MYLK3: variants seen among roughly 807,000 people sequenced by gnomAD.
MYLK3 encodes the protein myosin light chain kinase 3.
In MYLK3, 55 loss-of-function variants were observed where a neutral mutation model predicts 76.3. The observed-to-expected ratio is 0.72, with a 90% CI of 0.58 to 0.90. MYLK3 has a LOEUF of 0.90. Ranked by LOEUF, MYLK3 falls within the 40% of genes least tolerant of loss-of-function variation. The pLI, the probability that MYLK3 is intolerant of heterozygous loss-of-function variation, is 0.00. For synonymous variants in MYLK3, 416 were observed against 425.4 expected (o/e 0.98, Z 0.27); for missense variants, 973 against 1,053.6 (o/e 0.92, Z 1.06).
At chr16:46,710,609 C>T (rs755227360) in intron 11 of MYLK3, 28 bp downstream of exon 11, 1 of 1,613,408 alleles carries the variant, frequency 6.2e-7, no homozygotes, top group Non-Finnish European at 8.5e-7. Flanking sequence ...ATCAGAAGGG[C>T]CCATGAGTGA....
At chr16:46,755,895 CTTTTTTCTTTCTTTT>C (rs1275949245) in intron 1 of MYLK3, among the ~76,000 whole-genome samples, 43 of 134,232 alleles carry the variant, frequency 3.2e-4, no homozygotes, top group Admixed American at 6.1e-4. Context: ...GTTCTTTTTT[CTTTTTTCTTTCTTTT>C]TTTTTTTTTT....
In MYLK3 at chr16:46,705,898, G is replaced by A. The variant is rs892336601; in HGVS notation, c.*1806C>T. ...GGTACTCATGATCGCCTGAGCCCAG[G>A]AGGCGGAGGCTACAGTGAGCCAAGA... On this transcript the variant is annotated 3_prime_UTR_variant, in exon 13 of 13. Transcript: ENST00000394809. The A allele has an allele frequency of 3.9e-5, 6 of 151,970 alleles. No individual in the cohort carries two copies. Among genetic ancestry groups the A allele is most frequent in the Non-Finnish European group, 7.3e-5 (5 of 68,094 alleles). The allele number at this position is 151,970 out of a possible 1,614,324, so 9.4% of individuals were successfully genotyped here.
intron 1 of MYLK3, among the ~76,000 whole-genome samples, chr16:46,740,831 T>C (rs1224462789): frequency 6.6e-6 from 1 of 152,134 alleles, no homozygotes; most frequent in Non-Finnish European, 1.5e-5. Context: ...GGATTACAGA[T>C]GTGAGCTACC....
intron 1 of MYLK3, among the ~76,000 whole-genome samples, chr16:46,755,643 T>C (rs1055166586): frequency 2.0e-5 from 3 of 152,168 alleles, no homozygotes; most frequent in Admixed American, 2.0e-4. Context: ...GGATTTAACT[T>C]CTGCCTCTGC....
chr16:46,761,855 T>A lies in MYLK3; in HGVS notation c.-114+1185A>T, dbSNP rs185242193. ...AACAAAAAACAAATTCCACAGGCTGTAATGTGTGTGTATTGCACTGCATGT... is the reference window on the plus strand; with the variant it reads ...AACAAAAAACAAATTCCACAGGCTGAAATGTGTGTGTATTGCACTGCATGT... On this transcript the variant is annotated intron_variant, in intron 1 of 11. Transcript: ENST00000536476. Among the ~76,000 whole-genome samples, 325 of 150,510 alleles carry A rather than the reference T, an allele frequency of 2.2e-3. 1 individual carries two copies. The highest frequency in any genetic ancestry group is 2.6e-3 in the Non-Finnish European group (177 of 67,754).
At chr16:46,745,304 G>A (rs374726418) in intron 1 of MYLK3, among the ~76,000 whole-genome samples, 1 of 152,188 alleles carries the variant, frequency 6.6e-6, no homozygotes, top group African/African-American at 2.4e-5. Context: ...ACGAGGATCT[G>A]GGCTGGTTAA....
At chr16:46,740,018 G>A (rs1172633256) in intron 2 of MYLK3, 39 bp downstream of exon 2, 2 of 1,442,548 alleles carry the variant, frequency 1.4e-6, no homozygotes, top group Admixed American at 3.5e-5. Context: ...AAGCTGTTGT[G>A]TCTGCAATGT....
At chr16:46,745,589 C>CA (rs1967007417) in intron 1 of MYLK3, among the ~76,000 whole-genome samples, 2 of 151,878 alleles carry the variant, frequency 1.3e-5, no homozygotes, top group Admixed American at 1.3e-4. Context: ...ACTAAAAATA[C>CA]AAAAAAATTA....
chr16:46,721,209 G>A lies in MYLK3; in HGVS notation c.1915-16C>T, dbSNP rs570768260. ...TGTTCTCCGGCTGGGAAAGAAAGAA[G>A]TCTGCTTAGCCCAAGCAATAGCTGA... On this transcript the variant is annotated splice_polypyrimidine_tract_variant and intron_variant, in intron 8 of 12. Transcript: ENST00000394809. The A allele has an allele frequency of 6.2e-7, 1 of 1,613,876 alleles. No homozygotes were observed. The highest frequency in any genetic ancestry group is 1.7e-5 in the Admixed American group (1 of 60,022).
intron 1 of MYLK3, among the ~76,000 whole-genome samples, chr16:46,757,135 C>T (rs1258954339): frequency 6.6e-6 from 1 of 152,164 alleles, no homozygotes; most frequent in Middle Eastern, 3.2e-3. Flanking sequence ...GAAAGGAAAG[C>T]AGAGATGAAG....
rs763989358 is a variant in MYLK3 at position 46,732,385 on chromosome 16, T to C, written c.1285A>G (p.Ser429Gly). The change falls in exon 4 of 13, where the codon AGC (serine) becomes GGC (glycine). Residue 429 changes from serine (S) to glycine (G), a missense_variant. Coordinates refer to ENST00000394809, the MANE Select transcript of MYLK3 (RefSeq NM_182493.3). Reference protein sequence around the residue: ...RAGAEPGTRPSLARSDDNDHE... With the variant: ...RAGAEPGTRPGLARSDDNDHE... ...TCATTGTCGTCACTCCTGGCCAAGC[T>C]TGGTCTCGTGCCAGGCTCGGCCCCA... 6.2e-7 allele frequency: 1 copy of C among 1,613,744 alleles called. No homozygotes were observed. The highest frequency in any genetic ancestry group is 1.7e-5 in the Admixed American group (1 of 60,030).
chr16:46,718,328 T>C (rs1014102310), intron 9 of MYLK3, among the ~76,000 whole-genome samples: 2 of 152,200 alleles, frequency 1.3e-5, no homozygotes, highest in Non-Finnish European at 2.9e-5. Context: ...AGATTGAATG[T>C]GATTTTTTTT....
intron 1 of MYLK3, among the ~76,000 whole-genome samples, chr16:46,761,349 G>A (rs1169685152): frequency 6.6e-6 from 1 of 152,198 alleles, no homozygotes; most frequent in African/African-American, 2.4e-5. Context: ...GTGATGCTAT[G>A]GAACATTTTG....
intron 1 of MYLK3, among the ~76,000 whole-genome samples, chr16:46,742,445 AAAACAC>A (rs1400042374): frequency 0.02 from 2,626 of 130,244 alleles, 66 homozygotes; most frequent in African/African-American, 0.062. Context: ...AATCCCAGCA[AAAACAC>A]ACACACACAC....
At chr16:46,723,607 A>G in intron 8 of MYLK3, among the ~76,000 whole-genome samples, 1 of 150,724 alleles carries the variant, frequency 6.6e-6, no homozygotes, top group East Asian at 1.9e-4. Context: ...CAACCCCACC[A>G]GCAATGTATG....
At position 46,736,485 on chromosome 16, in the gene MYLK3, T is replaced by G. The variant is rs116624273; in HGVS notation, c.1001+1226A>C. 7.9e-3 allele frequency among the ~76,000 whole-genome samples: 1,204 copies of G among 152,338 alleles called. 18 individuals are homozygous for G. Among genetic ancestry groups the G allele is most frequent in the African/African-American group, 0.027 (1,142 of 41,580 alleles). ...ATTCAGCCAAGGGTTGAAACTGAGA[T>G]AGAGAACTTTTCTTCTCTGTCAGAA... On this transcript the variant is annotated intron_variant, in intron 3 of 12. Transcript: ENST00000394809.
At chr16:46,716,361 A>G (rs1439075686) in intron 9 of MYLK3, among the ~76,000 whole-genome samples, 2 of 151,018 alleles carry the variant, frequency 1.3e-5, no homozygotes, top group East Asian at 1.9e-4. Context: ...TATAGCCCGC[A>G]TATATATATA....
intron 8 of MYLK3, among the ~76,000 whole-genome samples, chr16:46,722,972 A>G (rs1966814389): frequency 2.0e-5 from 3 of 152,222 alleles, no homozygotes; most frequent in African/African-American, 7.2e-5. Flanking sequence ...TCAACCTCCC[A>G]AAGTACTGGG....
intron 12 of MYLK3, among the ~76,000 whole-genome samples, chr16:46,708,538 T>C (rs535950659): frequency 4.6e-5 from 7 of 152,088 alleles, no homozygotes; most frequent in Non-Finnish European, 1.0e-4. Flanking sequence ...CACTGCAGCC[T>C]CAAACTCCTG....
Sources: gnomAD v4.1 joint callset for allele counts (sites outside exome capture counted in the v4.1 genomes callset) on GRCh38, gnomAD v4.1.1 for gene constraint, MANE v1.5 for transcripts, NCBI Gene and HGNC (gene_info 2026-07-23, HGNC 2026-07-21) for gene names.